The following PALLD variants were observed in gnomAD, a reference collection of about 807,000 sequenced individuals.
PALLD encodes the protein palladin, cytoskeletal associated protein, also known as palladin.
In PALLD, 61 loss-of-function variants were observed where a neutral mutation model predicts 123.5. That is an observed-to-expected ratio of 0.49 (90% CI 0.40 to 0.61). The LOEUF is 0.61. PALLD is among the 20% of genes least tolerant of loss of function. PALLD has a pLI of 0.00. For synonymous variants in PALLD, 465 were observed against 496.4 expected, an observed-to-expected ratio of 0.94 and a Z score of 0.84; for missense variants, 1,273 against 1,377.0, an observed-to-expected ratio of 0.92 and a Z score of 1.20.
At chr4:168,846,496 G>A (rs981885189) in intron 10 of PALLD, among the ~76,000 whole-genome samples, 10 of 152,144 alleles carry the variant, frequency 6.6e-5, no homozygotes, top group South Asian at 2.1e-4. Context: ...TTAAACACCC[G>A]TTATGCGAGG....
chr4:168,520,815 T>G (rs561749787), intron 2 of PALLD, among the ~76,000 whole-genome samples: 1 of 152,298 alleles, frequency 6.6e-6, no homozygotes, highest in East Asian at 1.9e-4. Flanking sequence ...GCTGTGAAAA[T>G]GTTGCTCTCA....
chr4:168,825,819 C>T (rs530961763), intron 10 of PALLD, among the ~76,000 whole-genome samples: 37 of 152,276 alleles, frequency 2.4e-4, no homozygotes, highest in African/African-American at 7.5e-4. Flanking sequence ...AAATGCGACA[C>T]AAGATTCCTT....
At chr4:168,734,021 C>G (rs1787475189) in intron 10 of PALLD, among the ~76,000 whole-genome samples, 1 of 152,188 alleles carries the variant, frequency 6.6e-6, no homozygotes, top group South Asian at 2.1e-4. Context: ...AGGCGTTGAG[C>G]CACCACGCCC....
chr4:168,832,425 C>T (rs1744394729), intron 10 of PALLD, among the ~76,000 whole-genome samples: 1 of 152,060 alleles, frequency 6.6e-6, no homozygotes, highest in African/African-American at 2.4e-5. Flanking sequence ...CTTGGCAGGG[C>T]CCAGACGGGA....
intron 9 of PALLD, 24 bp downstream of exon 9, chr4:168,709,171 A>G: frequency 6.2e-7 from 1 of 1,612,436 alleles, no homozygotes; most frequent in East Asian, 2.2e-5. Context: ...AAAAAAAATG[A>G]CTGGGTTCTG....
At chr4:168,637,763 G>A (rs1316256474) in intron 2 of PALLD, among the ~76,000 whole-genome samples, 1 of 152,008 alleles carries the variant, frequency 6.6e-6, no homozygotes, top group Non-Finnish European at 1.5e-5. Context: ...GGCCAGCATG[G>A]CGAAACCCCA....
intron 10 of PALLD, chr4:168,877,937 G>T (rs925028358): frequency 6.7e-7 from 1 of 1,497,962 alleles, no homozygotes; most frequent in Non-Finnish European, 8.9e-7. Flanking sequence ...GCAGTCCTCC[G>T]GCTCCTTCAA....
chr4:168,622,776 G>A (rs1222924685), intron 2 of PALLD, among the ~76,000 whole-genome samples: 2 of 152,200 alleles, frequency 1.3e-5, no homozygotes, highest in Admixed American at 6.5e-5. Context: ...GTTAGAAAGC[G>A]AATGACCCAG....
intron 10 of PALLD, among the ~76,000 whole-genome samples, chr4:168,747,168 T>C (rs537170421): frequency 6.6e-6 from 1 of 152,344 alleles, no homozygotes; most frequent in East Asian, 1.9e-4. Flanking sequence ...CTATTTATCT[T>C]TTGTGCTCTG....
intron 18 of PALLD, among the ~76,000 whole-genome samples, chr4:168,922,003 C>T (rs945947779): frequency 1.3e-5 from 2 of 151,606 alleles, no homozygotes; most frequent in African/African-American, 4.8e-5. Flanking sequence ...TGTATAGTGG[C>T]CCCTAGTGTT....
intron 15 of PALLD, among the ~76,000 whole-genome samples, chr4:168,907,042 T>C (rs1582076552): frequency 6.6e-6 from 1 of 152,138 alleles, no homozygotes; most frequent in African/African-American, 2.4e-5. Context: ...GAATTCTAGC[T>C]CTGCCACTCA....
At chr4:168,883,447 G>C (rs1752905220) in intron 10 of PALLD, among the ~76,000 whole-genome samples, 2 of 152,192 alleles carry the variant, frequency 1.3e-5, no homozygotes, top group Non-Finnish European at 2.9e-5. Flanking sequence ...GAGAAGAGTA[G>C]AATAAGAGGA....
At chr4:168,810,536 A>T (rs895818859) in intron 10 of PALLD, among the ~76,000 whole-genome samples, 2 of 152,120 alleles carry the variant, frequency 1.3e-5, no homozygotes, top group Admixed American at 1.3e-4. Flanking sequence ...GGCACCTGTA[A>T]TCCCAGCTAC....
intron 10 of PALLD, among the ~76,000 whole-genome samples, chr4:168,867,663 T>C (rs973327753): frequency 2.6e-5 from 4 of 152,190 alleles, no homozygotes; most frequent in African/African-American, 4.8e-5. Flanking sequence ...ATGAACAATA[T>C]ATGAATTCAT....
intron 10 of PALLD, among the ~76,000 whole-genome samples, chr4:168,810,453 G>A (rs905320780): frequency 3.9e-5 from 6 of 152,102 alleles, no homozygotes; most frequent in East Asian, 1.9e-4. Flanking sequence ...TCAGGAGTTC[G>A]AGACCAGCCT....
intron 8 of PALLD, among the ~76,000 whole-genome samples, chr4:168,697,138 C>T (rs926742159): frequency 2.0e-5 from 3 of 152,132 alleles, no homozygotes; most frequent in Admixed American, 6.5e-5. Context: ...CTAGACACAA[C>T]GAGACAATGA....
intron 10 of PALLD, among the ~76,000 whole-genome samples, chr4:168,868,414 A>T (rs1223483184): frequency 1.3e-5 from 2 of 152,228 alleles, no homozygotes; most frequent in Admixed American, 1.3e-4. Flanking sequence ...AATTGACTTT[A>T]AGAAGAAACT....
intron 2 of PALLD, among the ~76,000 whole-genome samples, chr4:168,592,351 G>A (rs920637122): frequency 2.0e-5 from 3 of 151,896 alleles, no homozygotes; most frequent in African/African-American, 4.8e-5. Flanking sequence ...AGCTTGAAGG[G>A]GTCATGAGGA....
At chr4:168,613,565 G>C (rs1283998711) in intron 2 of PALLD, among the ~76,000 whole-genome samples, 1 of 152,164 alleles carries the variant, frequency 6.6e-6, no homozygotes, top group Non-Finnish European at 1.5e-5. Context: ...TTTGGTTTTG[G>C]CTATAAGGGC....
Sources: allele counts gnomAD v4.1 joint callset (sites outside exome capture counted in the v4.1 genomes callset), GRCh38; gene constraint gnomAD v4.1.1; transcripts MANE v1.5; gene names NCBI Gene and HGNC (gene_info 2026-07-23, HGNC 2026-07-21).